The following GATM variants were observed in gnomAD, a reference collection of about 807,000 sequenced individuals.
GATM encodes the protein glycine amidinotransferase.
GATM carries 23 observed loss-of-function variants against 54.2 expected under a neutral mutation model. The observed-to-expected ratio is 0.42, with a 90% confidence interval of 0.31 to 0.60. GATM has a LOEUF of 0.60. Among genes scored for constraint, GATM ranks in the 20% least tolerant of loss-of-function variants. The pLI, the probability that GATM is intolerant of heterozygous loss-of-function variation, is 0.14. For synonymous variants in GATM, 168 were observed against 183.1 expected, an observed-to-expected ratio of 0.92 and a Z score of 0.67; for missense variants, 401 against 544.9, an observed-to-expected ratio of 0.74 and a Z score of 2.63.
chr15:45,384,764 A>G (rs1404143737), intron 3 of GATM, among the ~76,000 whole-genome samples: 1 of 151,892 alleles, frequency 6.6e-6, no homozygotes, highest in Non-Finnish European at 1.5e-5. Context: ...GTTGGAGTGC[A>G]GTGGTGCGAT....
At chr15:45,365,692 C>T (rs1170496147) in intron 6 of GATM, among the ~76,000 whole-genome samples, 1 of 152,236 alleles carries the variant, frequency 6.6e-6, no homozygotes, top group East Asian at 1.9e-4. Context: ...ATTGCCCTGG[C>T]CATGCAAGGA....
intron 3 of GATM, among the ~76,000 whole-genome samples, chr15:45,384,176 T>C (rs1889777491): frequency 6.6e-6 from 1 of 152,226 alleles, no homozygotes; most frequent in East Asian, 1.9e-4. Flanking sequence ...TGCATACATG[T>C]AGTCCAACTA....
At chr15:45,378,226 A>G (rs1432279425) in intron 1 of GATM, 159 bp downstream of exon 1, 1 of 535,296 alleles carries the variant, frequency 1.9e-6, no homozygotes, top group East Asian at 3.5e-5. Context: ...CTTGAAGCTG[A>G]GCTTCCCAGG....
At chr15:45,372,186 C>T (rs1889555833) in intron 2 of GATM, among the ~76,000 whole-genome samples, 1 of 152,214 alleles carries the variant, frequency 6.6e-6, no homozygotes, top group Non-Finnish European at 1.5e-5. Flanking sequence ...TACGTATTGT[C>T]TATGGCTGCT....
intron 1 of GATM, chr15:45,377,073 G>A (rs1353705269): frequency 5.9e-6 from 3 of 509,808 alleles, no homozygotes; most frequent in South Asian, 1.8e-5. Context: ...TCAGAAGACC[G>A]TGTCCCCAGC....
intron 2 of GATM, chr15:45,397,249 C>A (rs1002602830): frequency 1.3e-5 from 2 of 152,008 alleles, no homozygotes; most frequent in African/African-American, 2.4e-5. Context: ...ATCCCGTGGA[C>A]TTTCCTGAGT....
intron 8 of GATM, among the ~76,000 whole-genome samples, chr15:45,363,101 C>T (rs1267685032): frequency 6.6e-6 from 1 of 151,996 alleles, no homozygotes; most frequent in Non-Finnish European, 1.5e-5. Flanking sequence ...TGGCCAAGCC[C>T]CTCTCTACTA....
At chr15:45,381,226 C>T (rs147212606), upstream of GATM, among the ~76,000 whole-genome samples, 478 of 152,176 alleles carry the variant, frequency 3.1e-3, 1 homozygote, top group African/African-American at 0.011. Context: ...ATTTTAGGAT[C>T]TTGGTGGTCT....
At chr15:45,389,618 A>G (rs1337503131) in intron 3 of GATM, among the ~76,000 whole-genome samples, 1 of 151,932 alleles carries the variant, frequency 6.6e-6, no homozygotes, top group East Asian at 1.9e-4. Flanking sequence ...TAATTTGTGT[A>G]TTTTTTGCAG....
chr15:45,373,124 C>T (rs1217378670), intron 2 of GATM: 1 of 152,184 alleles, frequency 6.6e-6, no homozygotes, highest in African/African-American at 2.4e-5. Context: ...GCTTATATTA[C>T]ACTAATCTTG....
At chr15:45,363,746 A>T in intron 8 of GATM, 154 bp downstream of exon 8, 1 of 646,962 alleles carries the variant, frequency 1.5e-6, no homozygotes, top group Non-Finnish European at 2.8e-6. Flanking sequence ...TGAAAATAAA[A>T]ATACTGACTT....
At chr15:45,391,098 T>C (rs1415118308) in intron 3 of GATM, among the ~76,000 whole-genome samples, 1 of 152,120 alleles carries the variant, frequency 6.6e-6, no homozygotes, top group Non-Finnish European at 1.5e-5. Flanking sequence ...AGAAAGGTAT[T>C]TTGTATACGT....
chr15:45,378,440 C>G lies in GATM; in HGVS notation c.14G>C (p.Arg5Pro). 1 of 1,498,204 alleles carries G rather than the reference C, an allele frequency of 6.7e-7. No homozygotes were observed. The highest frequency in any genetic ancestry group is 2.7e-5 in the East Asian group (1 of 37,072). 92.8% of individuals were successfully genotyped at this position (1,498,204 alleles called of 1,614,324 possible). A position where few individuals can be genotyped will look rare whatever the true frequency, so the allele number is the denominator to read the frequency against. Residue 5 changes from arginine to proline, a missense_variant, in exon 1 of 9, where the codon CGG becomes CCG. Coordinates refer to ENST00000396659, the MANE Select transcript of GATM (RefSeq NM_001482.3). ...GCCGCGGCTCCCGCCGCGCAGACAC[C>G]GCACCCGCAGCATCGCCCTGGCCCG... MLRV[R>P]CLRGGSRGAE... is the part of the protein sequence containing the mutation.
intron 3 of GATM, among the ~76,000 whole-genome samples, chr15:45,386,020 G>T (rs549631065): frequency 6.6e-6 from 1 of 152,240 alleles, no homozygotes; most frequent in South Asian, 2.1e-4. Context: ...AGATCCTTAT[G>T]TACATGTAAA....
At chr15:45,374,622 T>C (rs901172084) in intron 2 of GATM, among the ~76,000 whole-genome samples, 1 of 152,258 alleles carries the variant, frequency 6.6e-6, no homozygotes, top group Non-Finnish European at 1.5e-5. Flanking sequence ...TCAGGAGTCA[T>C]TTTCTTCAAG....
intron 2 of GATM, among the ~76,000 whole-genome samples, chr15:45,398,994 T>A (rs144088249): frequency 1.3e-5 from 2 of 152,320 alleles, no homozygotes; most frequent in African/African-American, 4.8e-5. Flanking sequence ...AATTAAGAAT[T>A]TTTATAGTTA....
At chr15:45,364,303 AG>A (rs1423561010) in intron 7 of GATM, 1 of 410,422 alleles carries the variant, frequency 2.4e-6, no homozygotes, top group Non-Finnish European at 4.5e-6. Context: ...CCTTGAGCCT[AG>A]GAGTTTGAGA....
chr15:45,373,432 G>A (rs1170232364), intron 2 of GATM: 1 of 152,164 alleles, frequency 6.6e-6, no homozygotes, highest in Non-Finnish European at 1.5e-5. Flanking sequence ...GAACCCAGGA[G>A]GCGGAGCTTG....
intron 3 of GATM, among the ~76,000 whole-genome samples, chr15:45,369,018 A>G (rs1210872400): frequency 6.6e-6 from 1 of 152,184 alleles, no homozygotes; most frequent in African/African-American, 2.4e-5. Flanking sequence ...AAATGTTTCT[A>G]TTCCCCTTTT....
Sources: gnomAD v4.1 joint callset for allele counts (sites outside exome capture counted in the v4.1 genomes callset) on GRCh38, gnomAD v4.1.1 for gene constraint, MANE v1.5 for transcripts, NCBI Gene and HGNC (gene_info 2026-07-23, HGNC 2026-07-21) for gene names.